The following TFCP2 variants were observed in gnomAD, a reference collection of about 807,000 sequenced individuals.
The protein encoded by TFCP2 is alpha-globin transcription factor CP2.
A neutral mutation model predicts 73.4 loss-of-function variants in TFCP2; 33 were observed. The ratio of observed to expected loss-of-function variants is 0.45; its 90% confidence interval spans 0.34 to 0.60. TFCP2 has a LOEUF of 0.60. TFCP2 is among the 20% of genes least tolerant of loss of function. TFCP2 has a pLI of 0.01. For missense variants in TFCP2, 352 were observed against 604.0 expected, an observed-to-expected ratio of 0.58 and a Z score of 4.37; for synonymous variants, 193 against 211.6, an observed-to-expected ratio of 0.91 and a Z score of 0.76.
At chr12:51,144,515 T>C (rs1305665506) in intron 1 of TFCP2, among the ~76,000 whole-genome samples, 7 of 152,284 alleles carry the variant, frequency 4.6e-5, no homozygotes, top group African/African-American at 1.7e-4. Flanking sequence ...ACCCATAAAC[T>C]GACCCCACAT....
chr12:51,148,711 A>G (rs1246433514), intron 1 of TFCP2, among the ~76,000 whole-genome samples: 1 of 149,252 alleles, frequency 6.7e-6, no homozygotes, highest in Non-Finnish European at 1.5e-5. Context: ...AAAAAAAAAA[A>G]AAAAGAAAAA....
chr12:51,170,655 G>A (rs767835329), intron 1 of TFCP2, among the ~76,000 whole-genome samples: 43 of 151,548 alleles, frequency 2.8e-4, no homozygotes, highest in Non-Finnish European at 5.2e-4. Context: ...AAAGATTCCT[G>A]AAGATGCTGA....
At chr12:51,104,737 A>C (rs920125836) in intron 8 of TFCP2, among the ~76,000 whole-genome samples, 4 of 149,180 alleles carry the variant, frequency 2.7e-5, no homozygotes, top group African/African-American at 9.9e-5. Flanking sequence ...TTTGAGACGG[A>C]GTCTCGCTCT....
In TFCP2 at chr12:51,127,818, C is replaced by A. The variant is rs118145262; in HGVS notation, c.123-9046G>T. Among the ~76,000 whole-genome samples, 60 of 152,318 alleles carry A rather than the reference C, an allele frequency of 3.9e-4. No homozygotes were observed. In the East Asian group the frequency reaches 0.011, roughly 28 times the overall value. The stretch of plus-strand genomic sequence containing the variant: ...CACTAGAGAACTTGAAGAGTCTCTG[C>A]AGATGAGACCCATGAGTGACACTGA... On this transcript the variant is annotated intron_variant, in intron 1 of 14. Coordinates refer to ENST00000257915, the MANE Select transcript of TFCP2 (RefSeq NM_005653.5).
intron 2 of TFCP2, 95 bp downstream of exon 2, chr12:51,118,526 G>GC (rs1167443464): frequency 3.3e-5 from 49 of 1,463,006 alleles, no homozygotes; most frequent in Non-Finnish European, 4.1e-5. Flanking sequence ...CTACACTCCA[G>GC]CCTGGGTGAC....
chr12:51,132,743 C>T (rs979209318), intron 1 of TFCP2, among the ~76,000 whole-genome samples: 1 of 152,096 alleles, frequency 6.6e-6, no homozygotes, highest in Non-Finnish European at 1.5e-5. Context: ...AGTAAGAAGT[C>T]TGGCTACTCT....
At chr12:51,135,064 T>C (rs1201495834) in intron 1 of TFCP2, among the ~76,000 whole-genome samples, 1 of 150,450 alleles carries the variant, frequency 6.6e-6, no homozygotes, top group East Asian at 2.0e-4. Context: ...GAGCCGTGAC[T>C]GTGCCACGGC....
At chr12:51,156,534 A>C (rs1422064162) in intron 1 of TFCP2, among the ~76,000 whole-genome samples, 1 of 152,160 alleles carries the variant, frequency 6.6e-6, no homozygotes, top group Non-Finnish European at 1.5e-5. Flanking sequence ...TTGGAGGGAC[A>C]CATATCCAAA....
At chr12:51,114,084 G>C (rs1327216837) in intron 4 of TFCP2, among the ~76,000 whole-genome samples, 1 of 152,086 alleles carries the variant, frequency 6.6e-6, no homozygotes, top group Non-Finnish European at 1.5e-5. Context: ...AAAAAAATTA[G>C]ATAAATTGGA....
chr12:51,094,936 A>G lies in TFCP2; in HGVS notation c.*305T>C, dbSNP rs1244085049. ...TGTTAAACATCACACAATTCCCATC[A>G]TCATTATGCCCTACATACACTCTAA... On this transcript the variant is annotated 3_prime_UTR_variant, in exon 15 of 15. Transcript: ENST00000257915. The G allele has an allele frequency of 2.9e-6, 1 of 346,212 alleles. No homozygotes were observed. Among genetic ancestry groups the G allele is most frequent in the Non-Finnish European group, 5.3e-6 (1 of 189,672 alleles). The allele number at this position is 346,212 out of a possible 1,614,324, so 21.4% of individuals were successfully genotyped here. A position where few individuals can be genotyped will look rare whatever the true frequency, so the allele number is the denominator to read the frequency against.
rs1940029435 is a variant in TFCP2, at chr12:51,098,687, A to T, written c.1419+89T>A. On this transcript the variant is annotated intron_variant, in intron 13 of 14. Transcript: ENST00000257915. ...TATGAAACCCTCTGATCTAGAAAAC[A>T]GAACACTCTGCCCCAGGAGAACTGC... 1.2e-5 allele frequency: 18 copies of T among 1,459,004 alleles called. No individual in the cohort carries two copies. In the South Asian group the frequency reaches 2.3e-4, roughly 18 times the overall value. 90.4% of individuals were successfully genotyped at this position (1,459,004 alleles called of 1,614,324 possible). A position where few individuals can be genotyped will look rare whatever the true frequency, so the allele number is the denominator to read the frequency against.
At chr12:51,134,791 A>T (rs1232643692) in intron 1 of TFCP2, among the ~76,000 whole-genome samples, 3 of 152,266 alleles carry the variant, frequency 2.0e-5, no homozygotes. Context: ...TAAGTACAGG[A>T]ATAATATCTA....
intron 1 of TFCP2, among the ~76,000 whole-genome samples, chr12:51,165,399 C>G (rs1264452093): frequency 6.6e-6 from 1 of 151,542 alleles, no homozygotes; most frequent in Non-Finnish European, 1.5e-5. Flanking sequence ...ATCATCTCAA[C>G]AGACACAGAA....
intron 1 of TFCP2, chr12:51,125,435 C>T: frequency 2.5e-6 from 1 of 403,570 alleles, no homozygotes; most frequent in Non-Finnish European, 4.8e-6. Flanking sequence ...CCTCTCACAC[C>T]TGCTTCCACT....
intron 1 of TFCP2, among the ~76,000 whole-genome samples, chr12:51,159,095 T>C (rs7980076): frequency 0.93 from 132,608 of 143,296 alleles, 61,657 homozygotes; most frequent in Non-Finnish European, 0.98. Context: ...AGGGGAAACG[T>C]TTGAACTCAG....
In TFCP2 at chr12:51,130,799, C is replaced by T. The variant is rs1198217229; in HGVS notation, c.123-12027G>A. Among the ~76,000 whole-genome samples, 5 of 151,984 alleles carry T rather than the reference C, an allele frequency of 3.3e-5. No individual in the cohort carries two copies. In the East Asian group the frequency reaches 9.7e-4, roughly 29 times the overall value. ...GTCAGGAGTTTAAGACCAGCCTGGC[C>T]AACATGGCAAAACCCCATCTCTACT... On this transcript the variant is annotated intron_variant, in intron 1 of 14. Transcript: ENST00000257915.
intron 1 of TFCP2, among the ~76,000 whole-genome samples, chr12:51,120,199 AAAG>A: frequency 6.7e-6 from 1 of 149,996 alleles, no homozygotes; most frequent in African/African-American, 2.4e-5. Flanking sequence ...AAAAAAAAAA[AAAG>A]AACAACAACA....
At chr12:51,123,786 C>T (rs999251989) in intron 1 of TFCP2, among the ~76,000 whole-genome samples, 4 of 152,062 alleles carry the variant, frequency 2.6e-5, no homozygotes, top group Non-Finnish European at 5.9e-5. Context: ...CTGTTCTTAG[C>T]AAATATTCAC....
At chr12:51,129,184 T>G (rs1940882106) in intron 1 of TFCP2, among the ~76,000 whole-genome samples, 1 of 152,076 alleles carries the variant, frequency 6.6e-6, no homozygotes, top group Non-Finnish European at 1.5e-5. Context: ...TTGAATATAC[T>G]TAGTTCTGAG....
Sources: gnomAD v4.1 joint callset for allele counts (sites outside exome capture counted in the v4.1 genomes callset) on GRCh38, gnomAD v4.1.1 for gene constraint, MANE v1.5 for transcripts, NCBI Gene and HGNC (gene_info 2026-07-23, HGNC 2026-07-21) for gene names.